SUCLG2: variants seen among roughly 807,000 people sequenced by gnomAD.
SUCLG2 encodes succinate-CoA ligase GDP-forming subunit beta.
A neutral mutation model predicts 47.9 loss-of-function variants in SUCLG2; 42 were observed. That is an observed-to-expected ratio of 0.88 (90% confidence interval 0.69 to 1.14). SUCLG2 has a LOEUF of 1.14. Ranked by LOEUF, SUCLG2 falls within the 50% of genes most tolerant of loss-of-function variation. The pLI is 0.00. For missense variants in SUCLG2, 571 were observed against 525.9 expected (o/e 1.09, Z -0.84); for synonymous variants, 195 against 197.3 (o/e 0.99, Z 0.10).
chr3:67,392,135 G>C (rs1039093410), intron 10 of SUCLG2, among the ~76,000 whole-genome samples: 1 of 152,046 alleles, frequency 6.6e-6, no homozygotes, highest in African/African-American at 2.4e-5. Context: ...TGCCTCACCA[G>C]TGCCCACTCA....
At chr3:67,389,621 C>A (rs1702336398) in intron 10 of SUCLG2, among the ~76,000 whole-genome samples, 1 of 152,104 alleles carries the variant, frequency 6.6e-6, no homozygotes, top group Non-Finnish European at 1.5e-5. Context: ...TATGTCAAAA[C>A]ATAAATTCTT....
At chr3:67,580,386 T>C (rs1258415359) in intron 2 of SUCLG2, among the ~76,000 whole-genome samples, 2 of 152,094 alleles carry the variant, frequency 1.3e-5, no homozygotes, top group African/African-American at 4.8e-5. Flanking sequence ...GGTGGGAAAA[T>C]TTTACCTGTT....
At chr3:67,523,160 T>G (rs1054978498) in intron 4 of SUCLG2, among the ~76,000 whole-genome samples, 1 of 152,170 alleles carries the variant, frequency 6.6e-6, no homozygotes, top group African/African-American at 2.4e-5. Context: ...GCATTAGATT[T>G]TAACTACTCA....
At chr3:67,481,926 C>G (rs1171280680) in intron 9 of SUCLG2, among the ~76,000 whole-genome samples, 1 of 152,214 alleles carries the variant, frequency 6.6e-6, no homozygotes, top group Non-Finnish European at 1.5e-5. Context: ...CGCCTGTAAT[C>G]CCAGCACTTT....
chr3:67,644,625 A>T (rs1701160594), intron 1 of SUCLG2, among the ~76,000 whole-genome samples: 2 of 152,034 alleles, frequency 1.3e-5, no homozygotes, highest in South Asian at 4.1e-4. Flanking sequence ...GCAAAATGAT[A>T]AAAATGGCAA....
chr3:67,447,555 G>A (rs1293128571), intron 9 of SUCLG2, among the ~76,000 whole-genome samples: 1 of 152,126 alleles, frequency 6.6e-6, no homozygotes, highest in Non-Finnish European at 1.5e-5. Context: ...ACAATACACT[G>A]AATGGATACA....
intron 10 of SUCLG2, among the ~76,000 whole-genome samples, chr3:67,380,803 A>G (rs114763762): frequency 4.6e-4 from 70 of 152,280 alleles, no homozygotes; most frequent in Middle Eastern, 3.4e-3. Flanking sequence ...GTAGAGAATA[A>G]GAGAAAGTAA....
At chr3:67,448,827 G>C (rs76038322) in intron 9 of SUCLG2, among the ~76,000 whole-genome samples, 1 of 150,908 alleles carries the variant, frequency 6.6e-6, no homozygotes, top group Non-Finnish European at 1.5e-5. Context: ...TGTAAAAAAG[G>C]TTTTTTTTTC....
chr3:67,534,749 A>G (rs370061824), intron 2 of SUCLG2, among the ~76,000 whole-genome samples: 2 of 143,300 alleles, frequency 1.4e-5, no homozygotes, highest in African/African-American at 5.3e-5. Context: ...CTTAGGACAG[A>G]ACTCCCTAAC....
chr3:67,602,447 C>G (rs1368309679), intron 2 of SUCLG2, among the ~76,000 whole-genome samples: 1 of 152,070 alleles, frequency 6.6e-6, no homozygotes, highest in Non-Finnish European at 1.5e-5. Flanking sequence ...TGCAGGTCTC[C>G]TGCAGAGTGG....
chr3:67,653,744 T>C (rs1297800776), intron 1 of SUCLG2, among the ~76,000 whole-genome samples: 2 of 152,162 alleles, frequency 1.3e-5, no homozygotes, highest in African/African-American at 4.8e-5. Context: ...ACTCAAAACT[T>C]TCCTGAAGTC....
chr3:67,522,842 T>C (rs1339557354), intron 4 of SUCLG2, among the ~76,000 whole-genome samples: 2 of 152,002 alleles, frequency 1.3e-5, no homozygotes, highest in Non-Finnish European at 2.9e-5. Context: ...TTTTTTGTAT[T>C]TTTTAGTGGA....
In SUCLG2 at chr3:67,392,763, G is replaced by A. The variant is rs369993090; in HGVS notation, c.1183+7968C>T. Reference sequence around the variant, plus strand: ...GTTGAAAGTAATGGTAGGCAAAACCGCTGGCATGTTATCATGGAATCAAGG... The same window carrying A: ...GTTGAAAGTAATGGTAGGCAAAACCACTGGCATGTTATCATGGAATCAAGG... On this transcript the variant is annotated intron_variant, in intron 10 of 10. Transcript: ENST00000307227. Among the ~76,000 whole-genome samples the A allele has an allele frequency of 2.0e-4, 31 of 152,160 alleles. No homozygotes were observed. The East Asian group carries it at 2.5e-3, about 12-fold the overall frequency.
At chr3:67,454,851 A>G (rs555232842) in intron 9 of SUCLG2, among the ~76,000 whole-genome samples, 1 of 151,964 alleles carries the variant, frequency 6.6e-6, no homozygotes, top group South Asian at 2.1e-4. Context: ...AGTCGCAGCT[A>G]CTTGAGAGAC....
At chr3:67,611,836 T>C (rs1048947504) in intron 1 of SUCLG2, among the ~76,000 whole-genome samples, 4 of 152,188 alleles carry the variant, frequency 2.6e-5, no homozygotes, top group South Asian at 2.1e-4. Flanking sequence ...GTAACATATA[T>C]TGACTGTTTC....
chr3:67,614,460 C>A (rs1188011053), intron 1 of SUCLG2, among the ~76,000 whole-genome samples: 1 of 151,748 alleles, frequency 6.6e-6, no homozygotes, highest in Non-Finnish European at 1.5e-5. Context: ...ACACCATTTC[C>A]TTCCTCTCCT....
At chr3:67,366,133 T>C (rs17046321) in intron 10 of SUCLG2, among the ~76,000 whole-genome samples, 23,261 of 151,948 alleles carry the variant, frequency 0.15, 1,928 homozygotes, top group Middle Eastern at 0.23. Flanking sequence ...ATGGGAAAAA[T>C]CTTGTTAACT....
chr3:67,525,811 C>T (rs1389677309), intron 4 of SUCLG2, among the ~76,000 whole-genome samples: 1 of 152,090 alleles, frequency 6.6e-6, no homozygotes, highest in Non-Finnish European at 1.5e-5. Context: ...AACACTTTTG[C>T]CCTGCAAATG....
chr3:67,404,875 C>A (rs1702766655), intron 9 of SUCLG2, among the ~76,000 whole-genome samples: 1 of 151,908 alleles, frequency 6.6e-6, no homozygotes, highest in Admixed American at 6.6e-5. Flanking sequence ...ATGTGCCTCA[C>A]GTGTTCATTC....
Sources: gnomAD v4.1 joint callset for allele counts (sites outside exome capture counted in the v4.1 genomes callset) on GRCh38, gnomAD v4.1.1 for gene constraint, MANE v1.5 for transcripts, NCBI Gene and HGNC (gene_info 2026-07-23, HGNC 2026-07-21) for gene names.